Variants in ATP1A1 observed in about 807,000 individuals in gnomAD.
ATP1A1 encodes the protein ATPase Na+/K+ transporting subunit alpha 1.
Under a neutral mutation model 114.8 loss-of-function variants are expected in ATP1A1, and 14 were observed. That is an observed-to-expected ratio of 0.12 (90% CI 0.08 to 0.19). The LOEUF is 0.19. Ranked by LOEUF, ATP1A1 falls within the 10% of genes least tolerant of loss-of-function variation. ATP1A1 has a pLI of 1.00. For missense variants in ATP1A1, 524 were observed against 1,290.7 expected (o/e 0.41, Z 9.10); for synonymous variants, 471 against 466.3 (o/e 1.01, Z -0.13).
chr1:116,404,642 CATCT>C lies in ATP1A1; in HGVS notation c.*199_*202del, dbSNP rs1653826277. 1 of 1,308,570 alleles carries C rather than the reference CATCT, an allele frequency of 7.6e-7. No individual in the cohort carries two copies. The highest frequency in any genetic ancestry group is 2.5e-5 in the South Asian group (1 of 39,452). The allele number at this position is 1,308,570 out of a possible 1,614,324, so 81.1% of individuals were successfully genotyped here. On this transcript the variant is annotated 3_prime_UTR_variant, in exon 23 of 23. Transcript: ENST00000295598. The surrounding 1 kb of genome is among the most constrained non-coding windows in gnomAD (Gnocchi z 4.8). Reference sequence around the variant, plus strand: ...GGGGGAGGGCTGCCTGAAAACCATCCATCTGTGGAAATGACAGCGGGGAAGGTTT... The same window carrying C: ...GGGGGAGGGCTGCCTGAAAACCATCCGTGGAAATGACAGCGGGGAAGGTTT...
At position 116,373,438 on chromosome 1, in the gene ATP1A1, C is replaced by T. The variant is rs761965769; in HGVS notation, c.-74C>T. ...GCTCCCCTGGTCCCGCTCGCTCGGC[C>T]GGGAGCTGCTCTGTGCTTTTCTCTC... On this transcript the variant is annotated 5_prime_UTR_variant, in exon 1 of 23. Coordinates refer to ENST00000295598, the MANE Select transcript of ATP1A1 (RefSeq NM_000701.8). 4 of 1,481,750 alleles carry T rather than the reference C, an allele frequency of 2.7e-6. No individual in the cohort carries two copies. Among genetic ancestry groups the T allele is most frequent in the Non-Finnish European group, 2.7e-6 (3 of 1,111,088 alleles). The allele number at this position is 1,481,750 out of a possible 1,614,324, so 91.8% of individuals were successfully genotyped here. A position where few individuals can be genotyped will look rare whatever the true frequency, so the allele number is the denominator to read the frequency against.
chr1:116,377,667 G>C (rs1651461239), intron 1 of ATP1A1, among the ~76,000 whole-genome samples: 2 of 152,232 alleles, frequency 1.3e-5, no homozygotes, highest in South Asian at 4.1e-4. Flanking sequence ...CTTCTGTGAT[G>C]AGAGGGAGCC....
At chr1:116,378,353 G>A (rs1368309960) in intron 1 of ATP1A1, among the ~76,000 whole-genome samples, 3 of 152,176 alleles carry the variant, frequency 2.0e-5, no homozygotes, top group South Asian at 4.1e-4. Flanking sequence ...ATATCTGCAC[G>A]TGATCTCTTT....
Position 116,373,326 on chromosome 1 carries a change from G to A in ATP1A1, c.-186G>A, listed in dbSNP as rs1056716492. The A allele has an allele frequency of 1.8e-5, 9 of 496,640 alleles. No individual in the cohort carries two copies. The highest frequency in any genetic ancestry group is 2.6e-5 in the Non-Finnish European group (8 of 304,500). The allele number at this position is 496,640 out of a possible 1,614,324, so 30.8% of individuals were successfully genotyped here. ...AACAGCGGTAGCAGCCCGGGCGGCG[G>A]CAGCAACAGCGGCGGCGGCATCGGC... On this transcript the variant is annotated 5_prime_UTR_variant, in exon 1 of 23. Transcript: ENST00000295598.
In ATP1A1 at chr1:116,403,947, A is replaced by G; in HGVS notation, c.3015A>G (p.Arg1005=). 6.2e-7 allele frequency: 1 copy of G among 1,614,250 alleles called. No individual in the cohort carries two copies. Residue 1005 remains arginine, a synonymous_variant, in exon 22 of 23, where the codon AGA becomes AGG. Coordinates refer to ENST00000295598, the MANE Select transcript of ATP1A1 (RefSeq NM_000701.8). The part of the protein sequence containing the change: ...SLLIFVYDEV[R]KLIIRRRPGG... ...TCATCTTCGTATATGACGAAGTCAG[A>G]AAACTCATCATCAGGCGACGCCCTG...
In ATP1A1 at chr1:116,373,270, G is replaced by C. The variant is rs850621; in HGVS notation, c.-242G>C. The C allele has an allele frequency of 7.6e-6, 3 of 394,954 alleles. No individual in the cohort carries two copies. In the South Asian group the frequency reaches 2.0e-4, roughly 27 times the overall value. The allele number at this position is 394,954 out of a possible 1,614,324, so 24.5% of individuals were successfully genotyped here. On this transcript the variant is annotated 5_prime_UTR_variant, in exon 1 of 23. Coordinates refer to ENST00000295598, the MANE Select transcript of ATP1A1 (RefSeq NM_000701.8). ...GAGCTGCGGCGGGGTCTGGGGCGCA[G>C]AGCAGCGGCGGGAGGAGGCGGACAC...
In ATP1A1 at chr1:116,401,416, T is replaced by C; in HGVS notation, c.2850-138T>C. 1 of 1,468,200 alleles carries C rather than the reference T, an allele frequency of 6.8e-7. No individual in the cohort carries two copies. The highest frequency in any genetic ancestry group is 9.3e-7 in the Non-Finnish European group (1 of 1,079,446). The allele number at this position is 1,468,200 out of a possible 1,614,324, so 90.9% of individuals were successfully genotyped here. On this transcript the variant is annotated intron_variant, in intron 20 of 22. Transcript: ENST00000295598. The surrounding 1 kb of genome is among the most constrained non-coding windows in gnomAD (Gnocchi z 4.7). ...TTAGGAAGCAAGAAATGTAGCTTTC[T>C]AGTTTTTTCATCTGACCTCCAAGTT...
In ATP1A1 at chr1:116,387,385, G is replaced by C; in HGVS notation, c.281G>C (p.Arg94Pro). 6.2e-7 allele frequency: 1 copy of C among 1,614,140 alleles called. No homozygotes were observed. The highest frequency in any genetic ancestry group is 8.5e-7 in the Non-Finnish European group (1 of 1,180,026). ...PTTPEWIKFCRQLFGGFSMLL... is the reference protein window; with the variant it reads ...PTTPEWIKFCPQLFGGFSMLL... ...ACTCCTGAATGGATCAAGTTTTGTC[G>C]GCAGCTCTTTGGGGGGTTCTCAATG... The change falls in exon 4 of 23, where the codon CGG (arginine) becomes CCG (proline). Residue 94 changes from arginine to proline, a missense_variant. Physicochemically the swap from Arg to Pro is moderately radical, Grantham distance 103. Transcript: ENST00000295598. This position sits in a 1 kb window ranked among gnomAD's most constrained non-coding sequence, Gnocchi z 6.7.
At chr1:116,402,806 C>A (rs1399423425) in intron 21 of ATP1A1, among the ~76,000 whole-genome samples, 2 of 152,212 alleles carry the variant, frequency 1.3e-5, no homozygotes, top group Admixed American at 1.3e-4. Context: ...TGTGCACTTG[C>A]ACCTCTTCTC....
At chr1:116,377,199 TG>T (rs1238012560) in intron 1 of ATP1A1, among the ~76,000 whole-genome samples, 1 of 152,264 alleles carries the variant, frequency 6.6e-6, no homozygotes, top group African/African-American at 2.4e-5. Flanking sequence ...GTTTCTCATC[TG>T]GCTTTTGGAT....
intron 18 of ATP1A1, among the ~76,000 whole-genome samples, chr1:116,400,117 T>A (rs1653316477): frequency 1.3e-5 from 2 of 152,240 alleles, no homozygotes; most frequent in Non-Finnish European, 2.9e-5. Context: ...TAGGGTTCCT[T>A]CAAGAGAACC....
chr1:116,373,915 C>T, intron 1 of ATP1A1: 3 of 1,309,186 alleles, frequency 2.3e-6, no homozygotes, highest in Non-Finnish European at 2.9e-6. Context: ...GAGCCTGGCT[C>T]CCCTCCCTGC....
rs761951373 is a variant in ATP1A1, at chr1:116,384,284, T to C, written c.123+160T>C. On this transcript the variant is annotated intron_variant, in intron 2 of 22. Transcript: ENST00000295598. The surrounding 1 kb of genome is among the most constrained non-coding windows in gnomAD (Gnocchi z 5.1). ...GTCGTAGAGGTTAATGTTGAACATATACTTTTTAAAAGCTGTTAGAGGGTA... is the reference window on the plus strand; with the variant it reads ...GTCGTAGAGGTTAATGTTGAACATACACTTTTTAAAAGCTGTTAGAGGGTA... 3.3e-5 allele frequency among the ~76,000 whole-genome samples: 5 copies of C among 152,214 alleles called. No individual in the cohort carries two copies. Among genetic ancestry groups the C allele is most frequent in the African/African-American group, 7.2e-5 (3 of 41,440 alleles).
chr1:116,373,822 G>A, intron 1 of ATP1A1: 1 of 1,239,698 alleles, frequency 8.1e-7, no homozygotes, highest in Non-Finnish European at 1.0e-6. Flanking sequence ...GGGGCTCCGA[G>A]AGGCGGTGCT....
chr1:116,388,158 G>A lies in ATP1A1; in HGVS notation c.415G>A (p.Val139Ile). 6.2e-7 allele frequency: 1 copy of A among 1,613,884 alleles called. No individual in the cohort carries two copies. ...GTACCTGGGTGTGGTGCTATCAGCC[G>A]TTGTAATCATAACTGGTTGCTTCTC... is the stretch of plus-strand genomic sequence containing the variant. ...NLYLGVVLSA[V>I]VIITGCFSYY... is the part of the protein sequence containing the mutation. The change falls in exon 5 of 23, where the codon GTT (valine) becomes ATT (isoleucine). Residue 139 changes from valine (V) to isoleucine (I), a missense_variant. Physicochemically the swap from Val to Ile is conservative, Grantham distance 29 (BLOSUM62 3). Coordinates refer to ENST00000295598, the MANE Select transcript of ATP1A1 (RefSeq NM_000701.8). The surrounding 1 kb of genome is among the most constrained non-coding windows in gnomAD (Gnocchi z 5.6).
At chr1:116,374,276 G>A (rs1369418183) in intron 1 of ATP1A1, 10 of 1,551,544 alleles carry the variant, frequency 6.4e-6, no homozygotes, top group Admixed American at 2.0e-5. Flanking sequence ...GCCACTTTCC[G>A]TAAACACAGG....
At chr1:116,390,536 G>GTTTTTTTTTTT (rs79640523) in intron 9 of ATP1A1, 125 bp downstream of exon 9, 6 of 694,508 alleles carry the variant, frequency 8.6e-6, no homozygotes, top group African/African-American at 8.4e-5. Flanking sequence ...TTTCTTTTTT[G>GTTTTTTTTTTT]TTTTTTTTTT....
rs750974345 is a variant in ATP1A1 at position 116,404,770 on chromosome 1, T to G, written c.*326T>G. On this transcript the variant is annotated 3_prime_UTR_variant, in exon 23 of 23. Coordinates refer to ENST00000295598, the MANE Select transcript of ATP1A1 (RefSeq NM_000701.8). The surrounding 1 kb of genome is among the most constrained non-coding windows in gnomAD (Gnocchi z 4.8). ...TTACAAATAAAGATGGCTATTATAATGGAATTTGTCTGTGCCCTCGTCGCT... is the reference window on the plus strand; with the variant it reads ...TTACAAATAAAGATGGCTATTATAAGGGAATTTGTCTGTGCCCTCGTCGCT... 4.4e-4 allele frequency: 497 copies of G among 1,117,324 alleles called. No homozygotes were observed. The highest frequency in any genetic ancestry group is 5.0e-4 in the Non-Finnish European group (460 of 916,864). 69.2% of individuals were successfully genotyped at this position (1,117,324 alleles called of 1,614,324 possible). A position where few individuals can be genotyped will look rare whatever the true frequency, so the allele number is the denominator to read the frequency against.
Position 116,397,858 on chromosome 1 carries a change from ACT to A in ATP1A1, c.1974-29_1974-28del. The A allele has an allele frequency of 6.7e-7, 1 of 1,500,904 alleles. No homozygotes were observed. 93.0% of individuals were successfully genotyped at this position (1,500,904 alleles called of 1,614,324 possible). A position where few individuals can be genotyped will look rare whatever the true frequency, so the allele number is the denominator to read the frequency against. On this transcript the variant is annotated intron_variant, in intron 14 of 22. Transcript: ENST00000295598. The surrounding 1 kb of genome is among the most constrained non-coding windows in gnomAD (Gnocchi z 4.2). ...ACACATGCTGGTGATGTGATGCGTGACTTTTTTTTTTTTTTTGTCCTAATTCT... is the reference window on the plus strand; with the variant it reads ...ACACATGCTGGTGATGTGATGCGTGATTTTTTTTTTTTTTGTCCTAATTCT...
Sources: allele counts gnomAD v4.1 joint callset (sites outside exome capture counted in the v4.1 genomes callset), GRCh38; gene constraint gnomAD v4.1.1; non-coding constraint Gnocchi (gnomAD v3.1); transcripts MANE v1.5; gene names NCBI Gene and HGNC (gene_info 2026-07-23, HGNC 2026-07-21).